Variants in SAMD3 observed in about 807,000 individuals in gnomAD.
SAMD3 encodes the protein sterile alpha motif domain-containing protein 3.
Under a neutral mutation model 58.5 loss-of-function variants are expected in SAMD3, and 63 were observed. The observed-to-expected ratio is 1.08, with a 90% CI of 0.88 to 1.33. The LOEUF (loss-of-function observed/expected upper bound fraction) is 1.33. Ranked by LOEUF, SAMD3 falls within the 40% of genes most tolerant of loss-of-function variation. SAMD3 has a pLI of 0.00. For missense variants in SAMD3, 604 were observed against 608.4 expected (o/e 0.99, Z 0.08); for synonymous variants, 220 against 210.3 (o/e 1.05, Z -0.40).
intron 2 of SAMD3, among the ~76,000 whole-genome samples, chr6:130,243,349 C>T (rs12205558): frequency 6.6e-6 from 1 of 152,292 alleles, no homozygotes; most frequent in South Asian, 2.1e-4. Context: ...AAGCCTTCTC[C>T]TAAGCAGAAG....
chr6:130,180,360 C>T (rs1792192743), intron 7 of SAMD3, among the ~76,000 whole-genome samples: 1 of 137,450 alleles, frequency 7.3e-6, no homozygotes, highest in South Asian at 2.2e-4. Context: ...GTCTTGAACT[C>T]CTGGGATCAA....
At chr6:130,285,654 G>A (rs748672455) in intron 2 of SAMD3, among the ~76,000 whole-genome samples, 10 of 152,200 alleles carry the variant, frequency 6.6e-5, no homozygotes, top group Non-Finnish European at 1.2e-4. Flanking sequence ...TGTTATATGC[G>A]ATAAGCATGT....
At chr6:130,145,215 G>T (rs541726772) in intron 11 of SAMD3, 125 bp downstream of exon 11, 7 of 473,372 alleles carry the variant, frequency 1.5e-5, no homozygotes, top group Admixed American at 3.9e-5. Context: ...CCAAGATCAC[G>T]CCATTGTACT....
chr6:130,346,015 T>A (rs1777437867), intron 1 of SAMD3, among the ~76,000 whole-genome samples: 1 of 152,238 alleles, frequency 6.6e-6, no homozygotes, highest in Non-Finnish European at 1.5e-5. Flanking sequence ...TATTTTGCAC[T>A]TTATCTTTTT....
intron 1 of SAMD3, among the ~76,000 whole-genome samples, chr6:130,322,147 G>A (rs566090025): frequency 6.6e-6 from 1 of 152,290 alleles, no homozygotes; most frequent in East Asian, 1.9e-4. Flanking sequence ...GCTGGAGCGA[G>A]GCATCCAAAG....
At chr6:130,153,709 T>C (rs1323736034) in intron 9 of SAMD3, among the ~76,000 whole-genome samples, 1 of 147,972 alleles carries the variant, frequency 6.8e-6, no homozygotes, top group Admixed American at 6.9e-5. Context: ...AGGGTCTCAC[T>C]GTGTCACCAA....
chr6:130,153,665 T>TAA (rs869206260), intron 9 of SAMD3, among the ~76,000 whole-genome samples: 2 of 97,790 alleles, frequency 2.0e-5, no homozygotes, highest in Non-Finnish European at 4.3e-5. Flanking sequence ...TATATATATA[T>TAA]TTATTTATTT....
chr6:130,272,172 A>C (rs2114937723), intron 2 of SAMD3, among the ~76,000 whole-genome samples: 1 of 152,342 alleles, frequency 6.6e-6, no homozygotes, highest in South Asian at 2.1e-4. Context: ...AAAAGAGTAA[A>C]GGAAACATCC....
At chr6:130,342,018 T>G (rs531789001) in intron 1 of SAMD3, among the ~76,000 whole-genome samples, 2 of 152,344 alleles carry the variant, frequency 1.3e-5, no homozygotes, top group East Asian at 3.9e-4. Flanking sequence ...TTGTTTGCTT[T>G]GTTTTGGGAC....
intron 8 of SAMD3, among the ~76,000 whole-genome samples, chr6:130,156,839 C>T (rs1043471299): frequency 2.0e-5 from 3 of 151,998 alleles, no homozygotes; most frequent in Non-Finnish European, 2.9e-5. Flanking sequence ...GAGGCCGAGG[C>T]GGGTGGATCA....
rs141347468 is a variant in SAMD3, at chr6:130,212,577, T to C, written c.269+1760A>G. On this transcript the variant is annotated intron_variant, in intron 4 of 11. Transcript: ENST00000439090. Reference sequence around the variant, plus strand: ...ATTAAAGAGGAGGTAAGTACCATATTACTTTTCACAACGTACGGATGAAGA... The same window carrying C: ...ATTAAAGAGGAGGTAAGTACCATATCACTTTTCACAACGTACGGATGAAGA... Among the ~76,000 whole-genome samples the C allele has an allele frequency of 8.0e-3, 1,213 of 152,376 alleles. 12 individuals carry two copies. Among genetic ancestry groups the C allele is most frequent in the Non-Finnish European group, 0.013 (870 of 68,038 alleles).
chr6:130,180,890 A>G (rs1792245555), intron 7 of SAMD3, among the ~76,000 whole-genome samples: 1 of 151,760 alleles, frequency 6.6e-6, no homozygotes, highest in Admixed American at 6.6e-5. Flanking sequence ...ATATCAATGT[A>G]GCATTCTTTC....
chr6:130,197,557 C>CA (rs1794255374), intron 5 of SAMD3, among the ~76,000 whole-genome samples: 1 of 152,152 alleles, frequency 6.6e-6, no homozygotes, highest in South Asian at 2.1e-4. Flanking sequence ...TCAATTCATA[C>CA]AAAACTGTAT....
intron 2 of SAMD3, among the ~76,000 whole-genome samples, chr6:130,245,152 C>A (rs969802093): frequency 1.6e-4 from 25 of 152,182 alleles, no homozygotes; most frequent in African/African-American, 5.6e-4. Flanking sequence ...AGCCACGGCA[C>A]TGCCATTTTC....
At chr6:130,223,129 C>A (rs1796283727), upstream of SAMD3, among the ~76,000 whole-genome samples, 1 of 151,958 alleles carries the variant, frequency 6.6e-6, no homozygotes, top group African/African-American at 2.4e-5. Context: ...CCTTAGTTAC[C>A]TTTTTTAAGC....
intron 8 of SAMD3, among the ~76,000 whole-genome samples, chr6:130,169,811 G>T (rs573172409): frequency 6.6e-6 from 1 of 152,184 alleles, no homozygotes; most frequent in South Asian, 2.1e-4. Flanking sequence ...CCAGGGGTGT[G>T]ACCTCTTATC....
At chr6:130,202,526 A>G (rs1292196317) in intron 5 of SAMD3, among the ~76,000 whole-genome samples, 4 of 152,334 alleles carry the variant, frequency 2.6e-5, no homozygotes, top group South Asian at 2.1e-4. Context: ...AATTATTTAC[A>G]TATTGAATGA....
rs147138270 is a variant in SAMD3 at position 130,347,620 on chromosome 6, C to T, written c.-304+17500G>A. On this transcript the variant is annotated intron_variant, in intron 1 of 13. Coordinates refer to the SAMD3 transcript ENST00000368134. ...GTCTGATTGGTGTACCTGAAAGTGA[C>T]GGGGAGAATGGAACCAAGTTGGAAC... Among the ~76,000 whole-genome samples the T allele has an allele frequency of 8.5e-3, 1,299 of 152,032 alleles. 20 individuals carry two copies. Among genetic ancestry groups the T allele is most frequent in the African/African-American group, 0.03 (1,232 of 41,464 alleles).
chr6:130,272,869 A>G (rs1340303759), intron 2 of SAMD3, among the ~76,000 whole-genome samples: 1 of 152,126 alleles, frequency 6.6e-6, no homozygotes, highest in Non-Finnish European at 1.5e-5. Flanking sequence ...ACGATGGCCT[A>G]CTCATTTATC....
Sources: allele counts gnomAD v4.1 joint callset (sites outside exome capture counted in the v4.1 genomes callset), GRCh38; gene constraint gnomAD v4.1.1; transcripts MANE v1.5; gene names NCBI Gene and HGNC (gene_info 2026-07-23, HGNC 2026-07-21).